Variants in CLSTN2 observed in about 807,000 individuals in gnomAD.
CLSTN2 encodes the protein calsyntenin-2.
Under a neutral mutation model 101.2 loss-of-function variants are expected in CLSTN2, and 48 were observed. The observed-to-expected ratio is 0.47, with a 90% confidence interval of 0.38 to 0.60. The LOEUF is 0.60. CLSTN2 is among the 20% of genes least tolerant of loss of function. The probability of loss-of-function intolerance (pLI) is 0.00; values close to 1 mark genes in which losing one functional copy is unlikely to be tolerated. For synonymous variants in CLSTN2, 481 were observed against 463.6 expected (o/e 1.04, Z -0.48); for missense variants, 1,160 against 1,238.2 (o/e 0.94, Z 0.95).
chr3:140,369,626 C>A (rs755015501), intron 2 of CLSTN2, among the ~76,000 whole-genome samples: 5 of 152,162 alleles, frequency 3.3e-5, no homozygotes, highest in Admixed American at 6.5e-5. Flanking sequence ...TTCTGCTTGG[C>A]CGCATGAGTT....
In CLSTN2 at chr3:140,512,305, T is replaced by TAAACTC. The variant is rs1172413916; in HGVS notation, c.1345-20017_1345-20016insACTCAA. Reference sequence around the variant, plus strand: ...TTTAAGTCTTTAATTCATGTTGAGTTAATTTTTGCATCTATAGTTTTCTGC... The same window carrying TAAACTC: ...TTTAAGTCTTTAATTCATGTTGAGTTAAACTCAATTTTTGCATCTATAGTTTTCTGC... On this transcript the variant is annotated intron_variant, in intron 8 of 16. Coordinates refer to ENST00000458420, the MANE Select transcript of CLSTN2 (RefSeq NM_022131.3). 2.0e-5 allele frequency among the ~76,000 whole-genome samples: 3 copies of TAAACTC among 152,100 alleles called. No individual in the cohort carries two copies. In the East Asian group the frequency reaches 5.8e-4, roughly 29 times the overall value.
intron 1 of CLSTN2, among the ~76,000 whole-genome samples, chr3:140,131,108 C>G (rs1027802769): frequency 2.0e-5 from 3 of 151,966 alleles, no homozygotes; most frequent in Non-Finnish European, 2.9e-5. Context: ...TGGATCTTAA[C>G]CACTTTGTCC....
At chr3:140,375,336 G>T (rs921142726) in intron 2 of CLSTN2, among the ~76,000 whole-genome samples, 6 of 152,168 alleles carry the variant, frequency 3.9e-5, no homozygotes, top group African/African-American at 1.4e-4. Flanking sequence ...CCACTCAGGG[G>T]ATGTTTGCTT....
At chr3:140,027,738 C>T (rs1047106625) in intron 1 of CLSTN2, among the ~76,000 whole-genome samples, 6 of 152,086 alleles carry the variant, frequency 3.9e-5, no homozygotes, top group Non-Finnish European at 5.9e-5. Context: ...TAAAGGAAGC[C>T]GCCACAGCTG....
At chr3:140,179,193 TA>T (rs772838458) in intron 2 of CLSTN2, among the ~76,000 whole-genome samples, 1 of 152,200 alleles carries the variant, frequency 6.6e-6, no homozygotes, top group Non-Finnish European at 1.5e-5. Context: ...TACAAGTATT[TA>T]TTGTAGAAAC....
intron 2 of CLSTN2, among the ~76,000 whole-genome samples, chr3:140,319,916 A>C (rs1020851201): frequency 3.9e-5 from 6 of 152,248 alleles, no homozygotes; most frequent in Non-Finnish European, 7.3e-5. Flanking sequence ...TGCTGCAAAC[A>C]ACTCGCAGCT....
chr3:140,483,849 A>G (rs1164772974), intron 8 of CLSTN2, among the ~76,000 whole-genome samples: 1 of 152,058 alleles, frequency 6.6e-6, no homozygotes, highest in Admixed American at 6.6e-5. Context: ...TTTTGAGCCT[A>G]TGTCTGTCCT....
chr3:140,504,446 A>G (rs1559888427), intron 8 of CLSTN2, among the ~76,000 whole-genome samples: 1 of 151,916 alleles, frequency 6.6e-6, no homozygotes, highest in Non-Finnish European at 1.5e-5. Context: ...TGCAGTGAAC[A>G]CTCTGCATTT....
intron 1 of CLSTN2, among the ~76,000 whole-genome samples, chr3:140,149,269 C>T (rs1482024513): frequency 6.6e-6 from 1 of 152,114 alleles, no homozygotes; most frequent in Non-Finnish European, 1.5e-5. Flanking sequence ...TAAGCAGAAA[C>T]TTTAACTGTG....
intron 1 of CLSTN2, among the ~76,000 whole-genome samples, chr3:140,011,021 C>T (rs541568063): frequency 6.7e-4 from 102 of 152,240 alleles, no homozygotes; most frequent in African/African-American, 1.9e-3. Context: ...GGGCAGACGG[C>T]GGTCCTCCCA....
At chr3:140,013,108 C>A (rs1009221960) in intron 1 of CLSTN2, among the ~76,000 whole-genome samples, 14 of 152,170 alleles carry the variant, frequency 9.2e-5, no homozygotes, top group Non-Finnish European at 2.1e-4. Context: ...GAGAGACAGC[C>A]AGGAGAGCAT....
intron 1 of CLSTN2, among the ~76,000 whole-genome samples, chr3:140,126,269 A>G (rs980340734): frequency 6.6e-6 from 1 of 152,014 alleles, no homozygotes; most frequent in Non-Finnish European, 1.5e-5. Flanking sequence ...GGAGAATGGC[A>G]TGGTGGGGGT....
intron 1 of CLSTN2, among the ~76,000 whole-genome samples, chr3:140,158,739 GA>G (rs1315442289): frequency 2.0e-5 from 3 of 152,062 alleles, no homozygotes; most frequent in Non-Finnish European, 4.4e-5. Flanking sequence ...AATCCTAAGG[GA>G]AAAGAATAAA....
chr3:139,961,300 A>G (rs1464636825), intron 1 of CLSTN2, among the ~76,000 whole-genome samples: 1 of 152,168 alleles, frequency 6.6e-6, no homozygotes, highest in African/African-American at 2.4e-5. Flanking sequence ...TAAGAACATG[A>G]TATAGCATTA....
intron 1 of CLSTN2, among the ~76,000 whole-genome samples, chr3:140,079,592 A>C (rs578055874): frequency 6.6e-6 from 1 of 152,228 alleles, no homozygotes; most frequent in East Asian, 1.9e-4. Flanking sequence ...TTTACTAAAA[A>C]TATAAAAAAT....
chr3:140,360,884 A>G (rs2087723553), intron 2 of CLSTN2, among the ~76,000 whole-genome samples: 1 of 152,230 alleles, frequency 6.6e-6, no homozygotes, highest in South Asian at 2.1e-4. Context: ...TCCCACAAAG[A>G]AAAACTCAGG....
At chr3:140,061,872 C>A (rs997225258) in intron 1 of CLSTN2, among the ~76,000 whole-genome samples, 3 of 152,212 alleles carry the variant, frequency 2.0e-5, no homozygotes, top group Non-Finnish European at 4.4e-5. Context: ...AAGGTCAATT[C>A]TTCTAGGTGC....
chr3:139,958,896 T>A (rs1935453952), intron 1 of CLSTN2, among the ~76,000 whole-genome samples: 2 of 149,758 alleles, frequency 1.3e-5, no homozygotes. Context: ...AATGATAGTG[T>A]CATTCATTTG....
chr3:140,489,226 G>T (rs1346225087), intron 8 of CLSTN2, among the ~76,000 whole-genome samples: 2 of 152,090 alleles, frequency 1.3e-5, no homozygotes, highest in Non-Finnish European at 2.9e-5. Context: ...TGCAGGGAAG[G>T]GGCTTCTGCA....
Sources: gnomAD v4.1 joint callset for allele counts (sites outside exome capture counted in the v4.1 genomes callset) on GRCh38, gnomAD v4.1.1 for gene constraint, MANE v1.5 for transcripts, NCBI Gene and HGNC (gene_info 2026-07-23, HGNC 2026-07-21) for gene names.